Variants in WNT9B observed in about 807,000 individuals in gnomAD.
WNT9B encodes Wnt family member 9B, also known as protein Wnt-9b.
Under a neutral mutation model 30.2 loss-of-function variants are expected in WNT9B, and 12 were observed. That is an observed-to-expected ratio of 0.40 (90% confidence interval 0.26 to 0.64). WNT9B has a LOEUF of 0.64. Among genes scored for constraint, WNT9B ranks in the 30% least tolerant of loss-of-function variants. WNT9B has a pLI of 0.42. For missense variants in WNT9B, 442 were observed against 485.2 expected (o/e 0.91, Z 0.84); for synonymous variants, 218 against 216.9 (o/e 1.01, Z -0.05).
At chr17:46,844,046 C>T (rs2084745161) in intron 1 of WNT9B, among the ~76,000 whole-genome samples, 1 of 152,156 alleles carries the variant, frequency 6.6e-6, no homozygotes, top group African/African-American at 2.4e-5. Context: ...TGCAACTTCC[C>T]ATGCTCAAGA....
chr17:46,878,216 C>T lies in WNT9B; in HGVS notation c.*1498C>T, dbSNP rs571545811. On this transcript the variant is annotated 3_prime_UTR_variant, in exon 4 of 4. Transcript: ENST00000290015. ...GGGAAGCCCTTGGCCACTTTGCTGG[C>T]CCTGCCACGCCCATCTGTCAGCTTC... 5.1e-4 allele frequency among the ~76,000 whole-genome samples: 77 copies of T among 152,258 alleles called. No homozygotes were observed. The highest frequency in any genetic ancestry group is 3.8e-3 in the Admixed American group (58 of 15,290).
At chr17:46,875,393 T>C (rs965797257) in intron 3 of WNT9B, 27 bp downstream of exon 3, 2 of 1,564,392 alleles carry the variant, frequency 1.3e-6, no homozygotes, top group Non-Finnish European at 1.7e-6. Context: ...CTGCCCGCAG[T>C]GCCTTCCCAC....
chr17:46,840,020 TTTCTTTCTTTC>T (rs1449728354), intron 1 of WNT9B, among the ~76,000 whole-genome samples: 5 of 142,128 alleles, frequency 3.5e-5, no homozygotes, highest in African/African-American at 1.4e-4. Context: ...TCTTTCTTTC[TTTCTTTCTTTC>T]TTTTCTTTCT....
At position 46,873,086 on chromosome 17, in the gene WNT9B, T is replaced by TCACACA. The variant is rs61118325; in HGVS notation, c.334+355_334+360dup. On this transcript the variant is annotated intron_variant, in intron 2 of 3. Coordinates refer to ENST00000290015, the MANE Select transcript of WNT9B (RefSeq NM_003396.3). ...CCCCCAGTTGTCTCCCTCTGCCTCT[T>TCACACA]CACACACACACACACACACACACAC... is the stretch of plus-strand genomic sequence containing the variant. 7.1e-4 allele frequency among the ~76,000 whole-genome samples: 100 copies of TCACACA among 139,914 alleles called. 1 individual carries two copies. The highest frequency in any genetic ancestry group is 3.8e-3 in the South Asian group (15 of 3,990). The allele number at this position is 139,914 out of a possible 152,430, so 91.8% of individuals were successfully genotyped here. A position where few individuals can be genotyped will look rare whatever the true frequency, so the allele number is the denominator to read the frequency against.
At chr17:46,858,609 T>C (rs1369266717) in intron 1 of WNT9B, among the ~76,000 whole-genome samples, 2 of 152,192 alleles carry the variant, frequency 1.3e-5, no homozygotes, top group Non-Finnish European at 2.9e-5. Context: ...TAACTAGTAT[T>C]GCAGTTTACA....
chr17:46,882,688 A>T (rs1250497635), downstream of WNT9B, among the ~76,000 whole-genome samples: 2 of 152,070 alleles, frequency 1.3e-5, no homozygotes, highest in African/African-American at 2.4e-5. Flanking sequence ...ACTTCGCTCC[A>T]TCTCTCACCT....
At chr17:46,885,380 G>A (rs1345875373), downstream of WNT9B, 1 of 164,402 alleles carries the variant, frequency 6.1e-6, no homozygotes, top group Non-Finnish European at 1.3e-5. Flanking sequence ...TCTGCTCACT[G>A]CAACCTCCAC....
chr17:46,838,111 G>T (rs867738483), intron 1 of WNT9B, among the ~76,000 whole-genome samples: 2 of 152,244 alleles, frequency 1.3e-5, no homozygotes, highest in Middle Eastern at 6.8e-3. Flanking sequence ...TCTCCCAGAA[G>T]TCATGGGAGG....
chr17:46,853,331 G>C (rs1224500095), intron 1 of WNT9B, among the ~76,000 whole-genome samples: 1 of 145,914 alleles, frequency 6.9e-6, no homozygotes, highest in Non-Finnish European at 1.5e-5. Flanking sequence ...ACAGTGTCTA[G>C]CATGCAGTAA....
At chr17:46,884,897 T>G, downstream of WNT9B, 1 of 330,508 alleles carries the variant, frequency 3.0e-6, no homozygotes, top group Non-Finnish European at 6.0e-6. Flanking sequence ...CTTCCTGACT[T>G]GGTTCAAATA....
chr17:46,872,643 C>T lies in WNT9B; in HGVS notation c.204C>T (p.Cys68=), dbSNP rs1170377320. The T allele has an allele frequency of 1.2e-6, 2 of 1,613,490 alleles. No individual in the cohort carries two copies. The highest frequency in any genetic ancestry group is 1.7e-6 in the Non-Finnish European group (2 of 1,180,000). The part of the protein sequence containing the change: ...LKLSRRQKQL[C]RREPGLAETL... ...TGTCCCGGCGGCAGAAGCAGCTCTG[C>T]CGGAGGGAGCCCGGCCTGGCTGAGA... Residue 68 remains cysteine, a synonymous_variant, in exon 2 of 4, where the codon TGC becomes TGT. Transcript: ENST00000290015.
intron 1 of WNT9B, among the ~76,000 whole-genome samples, chr17:46,868,435 T>C (rs2085178492): frequency 6.6e-6 from 1 of 151,010 alleles, no homozygotes; most frequent in African/African-American, 2.4e-5. Context: ...CTACTAAAAA[T>C]ACACAAAAAA....
In WNT9B at chr17:46,844,021, A is replaced by G. The variant is rs963643696; in HGVS notation, c.95+10581A>G. On this transcript the variant is annotated intron_variant, in intron 1 of 2. Coordinates refer to the WNT9B transcript ENST00000575372. Reference sequence around the variant, plus strand: ...TGCTCTGGAGTGCAGTGGTGGCATCATGGCTCATTGCAGTTGCAACTTCCC... The same window carrying G: ...TGCTCTGGAGTGCAGTGGTGGCATCGTGGCTCATTGCAGTTGCAACTTCCC... Among the ~76,000 whole-genome samples, 40 of 152,196 alleles carry G rather than the reference A, an allele frequency of 2.6e-4. 1 individual carries two copies.
rs922995559 is a variant in WNT9B at position 46,879,809 on chromosome 17, T to C, written c.*3091T>C. On this transcript the variant is annotated 3_prime_UTR_variant, in exon 4 of 4. Transcript: ENST00000290015. ...TTCCCAGGCTGTGATCCCAGCCTTT[T>C]GGATCTGGATGGCATGTTGGCACTT... Among the ~76,000 whole-genome samples, 7 of 152,204 alleles carry C rather than the reference T, an allele frequency of 4.6e-5. No homozygotes were observed. The highest frequency in any genetic ancestry group is 2.6e-4 in the Admixed American group (4 of 15,284).
intron 1 of WNT9B, among the ~76,000 whole-genome samples, chr17:46,838,733 TA>T (rs1317357932): frequency 6.6e-6 from 1 of 152,188 alleles, no homozygotes; most frequent in African/African-American, 2.4e-5. Context: ...GTTGTTTTAA[TA>T]AGCATATATC....
chr17:46,858,303 G>T (rs759619741), intron 1 of WNT9B, among the ~76,000 whole-genome samples: 1 of 151,980 alleles, frequency 6.6e-6, no homozygotes, highest in African/African-American at 2.4e-5. Context: ...GTGACTTGCC[G>T]TTTCATTTTC....
intron 1 of WNT9B, among the ~76,000 whole-genome samples, chr17:46,838,408 C>T (rs2084659368): frequency 2.0e-5 from 3 of 151,946 alleles, no homozygotes; most frequent in Non-Finnish European, 4.4e-5. Context: ...AGGAGGATCA[C>T]CTGAACCCAG....
chr17:46,874,996 C>A (rs543406446), intron 2 of WNT9B, 105 bp from the exon 3 acceptor site: 115 of 1,571,700 alleles, frequency 7.3e-5, no homozygotes, highest in Middle Eastern at 1.7e-4. Flanking sequence ...ACAGCGCTGC[C>A]ACCACCGCCT....
intron 1 of WNT9B, among the ~76,000 whole-genome samples, chr17:46,854,069 A>G (rs2084900023): frequency 6.6e-6 from 1 of 152,158 alleles, no homozygotes; most frequent in Non-Finnish European, 1.5e-5. Flanking sequence ...AGAGCTGACA[A>G]AAGACACAAA....
Sources: allele counts gnomAD v4.1 joint callset (sites outside exome capture counted in the v4.1 genomes callset), GRCh38; gene constraint gnomAD v4.1.1; transcripts MANE v1.5; gene names NCBI Gene and HGNC (gene_info 2026-07-23, HGNC 2026-07-21).